COL12A1: variants seen among roughly 807,000 people sequenced by gnomAD.
COL12A1 encodes the protein collagen alpha-1(XII) chain.
Under a neutral mutation model 349.7 loss-of-function variants are expected in COL12A1, and 114 were observed. The observed-to-expected ratio is 0.33, with a 90% CI of 0.28 to 0.38. The LOEUF is 0.38. Ranked by LOEUF, COL12A1 falls within the 10% of genes least tolerant of loss-of-function variation. COL12A1 has a pLI of 1.00. For missense variants in COL12A1, 3,284 were observed against 3,756.9 expected (o/e 0.87, Z 3.29); for synonymous variants, 1,369 against 1,329.0 (o/e 1.03, Z -0.66).
chr6:75,189,864 C>T (rs2149476099), intron 5 of COL12A1, 49 bp from the exon 6 acceptor site: 2 of 1,583,590 alleles, frequency 1.3e-6, no homozygotes, highest in Non-Finnish European at 1.7e-6. Context: ...TAAATCAACT[C>T]ATCAATACAT....
intron 56 of COL12A1, 34 bp from the exon 57 acceptor site, chr6:75,102,086 G>A (rs556241039): frequency 1.9e-5 from 31 of 1,601,926 alleles, no homozygotes; most frequent in South Asian, 5.6e-5. Context: ...GTTCTCAGGC[G>A]TTTCACAGAG....
In COL12A1 at chr6:75,183,774, A is replaced by G. The variant is rs538402438; in HGVS notation, c.1288+80T>C. The G allele has an allele frequency of 1.1e-4, 175 of 1,558,876 alleles. No homozygotes were observed. The African/African-American group carries it at 2.1e-3, about 19-fold the overall frequency. On this transcript the variant is annotated intron_variant, in intron 9 of 65. Coordinates refer to ENST00000322507, the MANE Select transcript of COL12A1 (RefSeq NM_004370.6). ...AAACTATTGCAAATATTTCATTCAA[A>G]ACTAAGTCCAAACAAGTAAGGCATT... is the stretch of plus-strand genomic sequence containing the variant.
rs1582209053 is a variant in COL12A1, at chr6:75,189,569, C to A, written c.641G>T (p.Gly214Val). Residue 214 changes from glycine to valine, a missense_variant, in exon 6 of 66, where the codon GGT becomes GTT. By Grantham distance (109) the Gly-to-Val change is moderately radical. This residue lies in a region of COL12A1 where 2,601 missense variants were observed against 2,824.8 expected (regional missense o/e 0.92). Transcript: ENST00000322507. ...LAAIKKIPYK[G>V]GNTMTGDAID... ...GAACATACCTGTCATTGTGTTGCCACCTTTATATGGAATTTTTTTTATTGC... is the reference window on the plus strand; with the variant it reads ...GAACATACCTGTCATTGTGTTGCCAACTTTATATGGAATTTTTTTTATTGC... 7 of 1,612,698 alleles carry A rather than the reference C, an allele frequency of 4.3e-6. No individual in the cohort carries two copies. The highest frequency in any genetic ancestry group is 1.7e-5 in the Admixed American group (1 of 59,878).
intron 47 of COL12A1, among the ~76,000 whole-genome samples, chr6:75,116,471 C>A (rs919278653): frequency 2.0e-5 from 3 of 152,106 alleles, no homozygotes; most frequent in African/African-American, 7.2e-5. Context: ...CTACCAAACA[C>A]CATGTAACAG....
intron 13 of COL12A1, 148 bp from the exon 14 acceptor site, chr6:75,165,927 A>G (rs1171842828): frequency 1.4e-6 from 1 of 722,490 alleles, no homozygotes; most frequent in Non-Finnish European, 2.3e-6. Context: ...TGAGTTGTCC[A>G]TCCTATTCTG....
At chr6:75,178,647 G>T (rs1227757935) in intron 11 of COL12A1, among the ~76,000 whole-genome samples, 1 of 152,100 alleles carries the variant, frequency 6.6e-6, no homozygotes, top group Non-Finnish European at 1.5e-5. Context: ...TGCTCAATGG[G>T]GCCAACTGCC....
intron 49 of COL12A1, among the ~76,000 whole-genome samples, chr6:75,115,086 T>G (rs1381385212): frequency 6.6e-6 from 1 of 152,136 alleles, no homozygotes; most frequent in Non-Finnish European, 1.5e-5. Context: ...TTGGTTTTAG[T>G]CTGAATTTTC....
intron 14 of COL12A1, among the ~76,000 whole-genome samples, chr6:75,163,298 G>T (rs1416580023): frequency 6.6e-6 from 1 of 152,196 alleles, no homozygotes; most frequent in African/African-American, 2.4e-5. Context: ...TAAAGAAAAT[G>T]TGACACATAT....
Position 75,145,370 on chromosome 6 carries a change from A to G in COL12A1, c.4646T>C (p.Leu1549Pro). The G allele has an allele frequency of 6.2e-7, 1 of 1,613,742 alleles. No homozygotes were observed. The highest frequency in any genetic ancestry group is 2.2e-5 in the East Asian group (1 of 44,842). The change falls in exon 25 of 66, where the codon CTG becomes CCG. Residue 1549 changes from leucine to proline, a missense_variant. This residue lies in a region of COL12A1 where 2,601 missense variants were observed against 2,824.8 expected (regional missense o/e 0.92). Transcript: ENST00000322507. ...TEYAVTVQAV[L>P]HDLTSEPVTV... is the part of the protein sequence containing the mutation. ...GACAGGTTCACTAGTGAGGTCGTGC[A>G]GGACAGCCTGGACTGTGACTGCATA...
At position 75,138,869 on chromosome 6, in the gene COL12A1, G is replaced by A; in HGVS notation, c.5050C>T (p.Leu1684Phe). 1.2e-6 allele frequency: 2 copies of A among 1,614,110 alleles called. No homozygotes were observed. Among genetic ancestry groups the A allele is most frequent in the Non-Finnish European group, 1.7e-6 (2 of 1,179,962 alleles). Residue 1684 changes from leucine to phenylalanine, a missense_variant, in exon 28 of 66, where the codon CTC (leucine) becomes TTC (phenylalanine). Coordinates refer to ENST00000322507, the MANE Select transcript of COL12A1 (RefSeq NM_004370.6). The part of the protein sequence containing the change: ...TWDHGASDVS[L>F]YRITWAPFGS... ...AAAGGTGCCCAAGTTATTCTGTAGA[G>A]AGACACATCTGAAGCTCCATGATCC...
At position 75,130,954 on chromosome 6, in the gene COL12A1, C is replaced by A; in HGVS notation, c.5965G>T (p.Val1989Leu). 1 of 1,614,130 alleles carries A rather than the reference C, an allele frequency of 6.2e-7. No individual in the cohort carries two copies. The highest frequency in any genetic ancestry group is 1.1e-5 in the South Asian group (1 of 91,080). The change falls in exon 36 of 66, where the codon GTG (valine) becomes TTG (leucine). Residue 1989 changes from valine to leucine, a missense_variant. Val to Leu is a conservative substitution (Grantham distance 32). Coordinates refer to ENST00000322507, the MANE Select transcript of COL12A1 (RefSeq NM_004370.6). ...SIVVPGNTRM[V>L]HLERLIPDTL... ...TCCGGAATCAGCCGCTCCAGATGCACCATGCGCGTGTTTCCTGGCACTACT... is the reference window on the plus strand; with the variant it reads ...TCCGGAATCAGCCGCTCCAGATGCAACATGCGCGTGTTTCCTGGCACTACT...
At position 75,131,997 on chromosome 6, in the gene COL12A1, A is replaced by G. The variant is rs960784505; in HGVS notation, c.5880T>C (p.Pro1960=). ...AATACACAACGCGATATTGCAGCAC[A>G]GGTCCTGGAGCAGGGTCCCAGCGAA... is the stretch of plus-strand genomic sequence containing the variant. ...LDVRWDPAPG[P]VLQYRVVYSP... Residue 1960 remains proline (P), a synonymous_variant, in exon 35 of 66, where the codon CCT becomes CCC. Transcript: ENST00000322507. 1 of 1,614,156 alleles carries G rather than the reference A, an allele frequency of 6.2e-7. No homozygotes were observed. Among genetic ancestry groups the G allele is most frequent in the Non-Finnish European group, 8.5e-7 (1 of 1,179,984 alleles).
At chr6:75,191,533 A>T (rs1769929742) in intron 5 of COL12A1, among the ~76,000 whole-genome samples, 168 bp downstream of exon 5, 1 of 152,066 alleles carries the variant, frequency 6.6e-6, no homozygotes, top group Non-Finnish European at 1.5e-5. Context: ...TTAGGTTATA[A>T]TGACTTAGTT....
rs1216270127 is a variant in COL12A1, at chr6:75,090,149, G to A, written c.8902C>T (p.Pro2968Ser). The A allele has an allele frequency of 8.7e-6, 14 of 1,613,908 alleles. No homozygotes were observed. Among genetic ancestry groups the A allele is most frequent in the Non-Finnish European group, 1.2e-5 (14 of 1,179,990 alleles). Residue 2968 changes from proline (P) to serine (S), a missense_variant, in exon 63 of 66, where the codon CCG (proline) becomes TCG (serine). This residue lies in a region of COL12A1 where 683 missense variants were observed against 932.1 expected (regional missense o/e 0.73). Transcript: ENST00000322507. This position sits in a 1 kb window ranked among gnomAD's most constrained non-coding sequence, Gnocchi z 4.1. ...EPGPGGRPGF[P>S]GTPGMQGPPG... ...GGTCCCTGCATCCCTGGTGTGCCCG[G>A]GAAGCCTGGCCGCCCCCCAGGCCCA...
chr6:75,191,824 A>G, intron 4 of COL12A1, 64 bp from the exon 5 acceptor site: 1 of 1,040,988 alleles, frequency 9.6e-7, no homozygotes, highest in Non-Finnish European at 1.3e-6. Context: ...TTTAAAATAG[A>G]ATAAATATAT....
At chr6:75,144,929 C>G (rs1767102967) in intron 25 of COL12A1, among the ~76,000 whole-genome samples, 1 of 152,202 alleles carries the variant, frequency 6.6e-6, no homozygotes, top group Non-Finnish European at 1.5e-5. Flanking sequence ...ATGTCTTCCT[C>G]CAAAATTACA....
chr6:75,126,501 C>A (rs572139615), intron 38 of COL12A1, 31 bp from the exon 39 acceptor site: 1 of 1,596,884 alleles, frequency 6.3e-7, no homozygotes, highest in Non-Finnish European at 8.6e-7. Flanking sequence ...ACATTACTGA[C>A]CTTTTATTGG....
At chr6:75,147,930 G>A in intron 22 of COL12A1, 126 bp from the exon 23 acceptor site, 1 of 1,036,838 alleles carries the variant, frequency 9.6e-7, no homozygotes, top group Non-Finnish European at 1.4e-6. Flanking sequence ...ATTGTCTTTT[G>A]TATTTGGAAA....
At chr6:75,187,346 A>G (rs1319371689) in intron 8 of COL12A1, among the ~76,000 whole-genome samples, 1 of 151,654 alleles carries the variant, frequency 6.6e-6, no homozygotes, top group Non-Finnish European at 1.5e-5. Flanking sequence ...AAATGTGAAC[A>G]CCTGTGATGT....
Sources: allele counts gnomAD v4.1 joint callset (sites outside exome capture counted in the v4.1 genomes callset), GRCh38; gene constraint gnomAD v4.1.1; regional missense constraint gnomAD v4.1.1; non-coding constraint Gnocchi (gnomAD v3.1); transcripts MANE v1.5; gene names NCBI Gene and HGNC (gene_info 2026-07-23, HGNC 2026-07-21).